PRDM2: variants seen among roughly 807,000 people sequenced by gnomAD.
The protein encoded by PRDM2 is PR/SET domain 2, also known as PR domain zinc finger protein 2.
Under a neutral mutation model 130.0 loss-of-function variants are expected in PRDM2, and 30 were observed. The observed-to-expected ratio is 0.23, with a 90% CI of 0.17 to 0.31. PRDM2 has a LOEUF of 0.31. Among genes scored for constraint, PRDM2 ranks in the 10% least tolerant of loss-of-function variants. The pLI is 1.00. For synonymous variants in PRDM2, 871 were observed against 782.4 expected, an observed-to-expected ratio of 1.11 and a Z score of -1.89; for missense variants, 2,011 against 2,108.4, an observed-to-expected ratio of 0.95 and a Z score of 0.90.
intron 1 of PRDM2, among the ~76,000 whole-genome samples, chr1:13,712,379 A>C (rs757703461): frequency 5.9e-5 from 9 of 152,366 alleles, no homozygotes; most frequent in Non-Finnish European, 1.3e-4. Flanking sequence ...AAAGAAAAGA[A>C]GTGTTAAATA....
chr1:13,774,587 G>A (rs1644430135), intron 7 of PRDM2, among the ~76,000 whole-genome samples: 1 of 152,180 alleles, frequency 6.6e-6, no homozygotes, highest in East Asian at 1.9e-4. Flanking sequence ...TACCTTTGGC[G>A]GTAGAATTAG....
intron 6 of PRDM2, among the ~76,000 whole-genome samples, chr1:13,762,046 T>TACA (rs1644110074): frequency 6.6e-6 from 1 of 152,270 alleles, no homozygotes; most frequent in African/African-American, 2.4e-5. Context: ...TTTAGATTTG[T>TACA]AGGCGTGCAC....
intron 1 of PRDM2, among the ~76,000 whole-genome samples, chr1:13,713,436 T>C (rs76933461): frequency 0.028 from 4,238 of 152,296 alleles, 84 homozygotes; most frequent in Middle Eastern, 0.051. Flanking sequence ...GTGCTGTGCT[T>C]ATTTTGGTGA....
intron 8 of PRDM2, chr1:13,787,517 T>C (rs1048722307): frequency 8.1e-6 from 8 of 983,826 alleles, no homozygotes; most frequent in African/African-American, 1.7e-5. Context: ...AATTTGTAGT[T>C]TAATATTTGT....
At chr1:13,707,264 G>A (rs1263349871) in intron 1 of PRDM2, among the ~76,000 whole-genome samples, 2 of 152,180 alleles carry the variant, frequency 1.3e-5, no homozygotes, top group African/African-American at 2.4e-5. Context: ...TACCCTGCCC[G>A]TGCTGCTGTA....
chr1:13,800,889 G>C (rs1357411666), intron 8 of PRDM2, among the ~76,000 whole-genome samples: 4 of 152,154 alleles, frequency 2.6e-5, no homozygotes, highest in African/African-American at 9.7e-5. Flanking sequence ...AGTTGGGAAT[G>C]CTTCCCCAGC....
Position 13,762,122 on chromosome 1 carries a change from T to C in PRDM2, c.512-10956T>C, listed in dbSNP as rs913980644. 5.3e-5 allele frequency among the ~76,000 whole-genome samples: 8 copies of C among 152,266 alleles called. No homozygotes were observed. In the South Asian group the frequency reaches 1.4e-3, roughly 28 times the overall value. ...CAATCGATTCCATTTATTGAGTCTG[T>C]GCCAGGCACTGTGTGGCATTCGTTT... On this transcript the variant is annotated intron_variant, in intron 6 of 9. Coordinates refer to ENST00000311066, the MANE Select transcript of PRDM2 (RefSeq NM_001393986.1).
intron 6 of PRDM2, among the ~76,000 whole-genome samples, chr1:13,749,716 G>A (rs1432362502): frequency 2.0e-5 from 3 of 151,778 alleles, no homozygotes; most frequent in Admixed American, 6.6e-5. Flanking sequence ...CTGCCGACCC[G>A]GCCCCGCTGC....
At chr1:13,710,931 A>G (rs1384246494) in intron 1 of PRDM2, among the ~76,000 whole-genome samples, 1 of 152,092 alleles carries the variant, frequency 6.6e-6, no homozygotes, top group Non-Finnish European at 1.5e-5. Flanking sequence ...CTAAAAATAC[A>G]AAAAATAGCC....
At chr1:13,713,335 T>C (rs1296621898) in intron 1 of PRDM2, among the ~76,000 whole-genome samples, 1 of 152,122 alleles carries the variant, frequency 6.6e-6, no homozygotes, top group African/African-American at 2.4e-5. Context: ...GAGTAAAAAA[T>C]TGGTGAAATG....
chr1:13,734,972 G>A (rs1398842587), intron 4 of PRDM2, among the ~76,000 whole-genome samples: 1 of 151,942 alleles, frequency 6.6e-6, no homozygotes, highest in Non-Finnish European at 1.5e-5. Context: ...TTCCAACTCT[G>A]CTCTTACCCT....
chr1:13,749,191 G>A (rs1569852776), intron 5 of PRDM2, among the ~76,000 whole-genome samples, 170 bp from the exon 6 acceptor site: 1 of 151,438 alleles, frequency 6.6e-6, no homozygotes, highest in East Asian at 1.9e-4. Flanking sequence ...TCCGGGCGCC[G>A]GCGCGGCCCG....
intron 8 of PRDM2, chr1:13,787,924 T>A (rs1456865019): frequency 7.1e-6 from 7 of 985,240 alleles, no homozygotes; most frequent in Non-Finnish European, 8.4e-6. Flanking sequence ...AGAGTGGTGT[T>A]TGTTGTTTTT....
At chr1:13,737,586 C>T (rs1643309807) in intron 4 of PRDM2, among the ~76,000 whole-genome samples, 1 of 152,086 alleles carries the variant, frequency 6.6e-6, no homozygotes, top group Non-Finnish European at 1.5e-5. Context: ...AATAGCAGTG[C>T]ATAGGTTTTG....
chr1:13,783,210 A>AAG (rs776720914), intron 8 of PRDM2: 2 of 514,806 alleles, frequency 3.9e-6, no homozygotes, highest in African/African-American at 3.8e-5. Flanking sequence ...TTCTTAGGTT[A>AAG]AGACGGGTCA....
chr1:13,792,682 C>G (rs192478769), intron 8 of PRDM2, among the ~76,000 whole-genome samples: 2 of 152,296 alleles, frequency 1.3e-5, no homozygotes, highest in East Asian at 3.9e-4. Context: ...AAGTGTCAGG[C>G]TGTAGATCTG....
At chr1:13,732,408 C>T (rs115756075) in intron 3 of PRDM2, among the ~76,000 whole-genome samples, 2,737 of 152,232 alleles carry the variant, frequency 0.018, 63 homozygotes, top group South Asian at 0.12. Context: ...CAGAGGAGTT[C>T]AAAAATCAGT....
intron 8 of PRDM2, among the ~76,000 whole-genome samples, chr1:13,814,983 A>G (rs1470318151): frequency 6.6e-6 from 1 of 152,176 alleles, no homozygotes; most frequent in African/African-American, 2.4e-5. Flanking sequence ...AGGGATAATA[A>G]CAGTATCCAC....
chr1:13,716,169 A>G (rs936063051), intron 2 of PRDM2, among the ~76,000 whole-genome samples: 3 of 151,928 alleles, frequency 2.0e-5, no homozygotes, highest in African/African-American at 7.3e-5. Context: ...ATGAAATTGG[A>G]AATCATCATT....
Sources: gnomAD v4.1 joint callset for allele counts (sites outside exome capture counted in the v4.1 genomes callset) on GRCh38, gnomAD v4.1.1 for gene constraint, MANE v1.5 for transcripts, NCBI Gene and HGNC (gene_info 2026-07-23, HGNC 2026-07-21) for gene names.